Variants in SIRPA observed in about 807,000 individuals in gnomAD.
The protein encoded by SIRPA is tyrosine-protein phosphatase non-receptor type substrate 1.
A neutral mutation model predicts 50.3 loss-of-function variants in SIRPA; 9 were observed. That is an observed-to-expected ratio of 0.18 (90% CI 0.11 to 0.31). The LOEUF (loss-of-function observed/expected upper bound fraction) is 0.31. Ranked by LOEUF, SIRPA falls within the 10% of genes least tolerant of loss-of-function variation. The pLI, the probability that SIRPA is intolerant of heterozygous loss-of-function variation, is 1.00. For synonymous variants in SIRPA, 265 were observed against 284.1 expected, an observed-to-expected ratio of 0.93 and a Z score of 0.68; for missense variants, 474 against 661.6, an observed-to-expected ratio of 0.72 and a Z score of 3.11.
rs1250110733 is a variant in SIRPA at position 1,915,272 on chromosome 20, G to A, written c.253G>A (p.Gly85Ser). ...GGAATTAATCTACAATCAAAAAGAA[G>A]GCCACTTCCCCCGGGTAACAACTGT... ...GRELIYNQKE[G>S]HFPRVTTVSD... Residue 85 changes from glycine (G) to serine (S), a missense_variant, in exon 2 of 8, where the codon GGC (glycine) becomes AGC (serine). Coordinates refer to ENST00000358771, the MANE Select transcript of SIRPA (RefSeq NM_001040023.2). 3 of 1,613,152 alleles carry A rather than the reference G, an allele frequency of 1.9e-6. No homozygotes were observed. The highest frequency in any genetic ancestry group is 2.5e-6 in the Non-Finnish European group (3 of 1,179,808).
At position 1,934,572 on chromosome 20, in the gene SIRPA, A is replaced by T; in HGVS notation, c.1227-143A>T. On this transcript the variant is annotated intron_variant, in intron 6 of 7. Coordinates refer to ENST00000358771, the MANE Select transcript of SIRPA (RefSeq NM_001040023.2). This position sits in a 1 kb window ranked among gnomAD's most constrained non-coding sequence, Gnocchi z 4.6. ...TGACCCCTTTGTCCAAACATTTGAT[A>T]TGCAGTTGTATTTCTGTTATGAGTC... 1.5e-6 allele frequency: 1 copy of T among 679,442 alleles called. No homozygotes were observed. The highest frequency in any genetic ancestry group is 2.0e-5 in the South Asian group (1 of 50,902). 42.1% of individuals were successfully genotyped at this position (679,442 alleles called of 1,614,324 possible).
Position 1,937,326 on chromosome 20 carries a change from A to T in SIRPA, c.1273A>T (p.Asn425Tyr). 1 of 1,612,486 alleles carries T rather than the reference A, an allele frequency of 6.2e-7. No individual in the cohort carries two copies. Among genetic ancestry groups the T allele is most frequent in the African/African-American group, 1.3e-5 (1 of 74,960 alleles). Residue 425 changes from asparagine to tyrosine, a missense_variant, in exon 8 of 8, where the codon AAT becomes TAT. Around this residue, in one of 4 missense-constraint regions of SIRPA, gnomAD observed 180 missense variants for 206.7 expected, o/e 0.87. Coordinates refer to ENST00000358771, the MANE Select transcript of SIRPA (RefSeq NM_001040023.2). The surrounding 1 kb of genome is among the most constrained non-coding windows in gnomAD (Gnocchi z 8.3). ...KNAREITQDT[N>Y]DITYADLNLP... ...TTGGGTATCTTAAATCCAGGACACA[A>T]ATGATATCACATATGCAGACCTGAA...
chr20:1,937,183 G>T lies in SIRPA; in HGVS notation c.1267-137G>T. The T allele has an allele frequency of 1.9e-6, 2 of 1,040,792 alleles. No individual in the cohort carries two copies. Among genetic ancestry groups the T allele is most frequent in the Non-Finnish European group, 2.8e-6 (2 of 715,904 alleles). The allele number at this position is 1,040,792 out of a possible 1,614,324, so 64.5% of individuals were successfully genotyped here. ...AAGTAACGTTGGCAAGAGATGAGGG[G>T]AACATGACTTATGGCTGAGCCAGTG... On this transcript the variant is annotated intron_variant, in intron 7 of 7. Transcript: ENST00000358771. This position sits in a 1 kb window ranked among gnomAD's most constrained non-coding sequence, Gnocchi z 8.3.
rs17853846 is a variant in SIRPA, at chr20:1,915,169, A to G, written c.150A>G (p.Thr50=). 0.18 allele frequency: 232,949 copies of G among 1,280,230 alleles called. 51,135 individuals carry two copies. Among genetic ancestry groups the G allele is most frequent in the East Asian group, 0.6 (22,803 of 37,734 alleles). 79.3% of individuals were successfully genotyped at this position (1,280,230 alleles called of 1,614,324 possible). The part of the protein sequence containing the change: ...DKSVLVAAGE[T]ATLRCTATSL... ...CCGTGTTGGTTGCAGCTGGAGAGAC[A>G]GCCACTCTGCGCTGCACTGCGACCT... The change falls in exon 2 of 8, where the codon ACA becomes ACG. Residue 50 remains threonine (T), a synonymous_variant. Transcript: ENST00000358771.
chr20:1,922,943 CAG>C (rs2123161350), intron 4 of SIRPA, among the ~76,000 whole-genome samples: 1 of 152,276 alleles, frequency 6.6e-6, no homozygotes, highest in East Asian at 1.9e-4. Context: ...CTTCACCTGA[CAG>C]TTGTCATGCT....
At chr20:1,908,935 C>T (rs1018476000) in intron 1 of SIRPA, among the ~76,000 whole-genome samples, 2 of 152,224 alleles carry the variant, frequency 1.3e-5, no homozygotes, top group African/African-American at 4.8e-5. Context: ...TCCTGTACTA[C>T]ATCCTGTGAG....
At chr20:1,907,814 A>G (rs1568496718) in intron 1 of SIRPA, among the ~76,000 whole-genome samples, 1 of 152,104 alleles carries the variant, frequency 6.6e-6, no homozygotes, top group Non-Finnish European at 1.5e-5. Context: ...AATCATTCTG[A>G]CTCCAGAGGA....
intron 1 of SIRPA, 31 bp downstream of exon 1, chr20:1,895,557 C>G: frequency 1.4e-6 from 2 of 1,389,920 alleles, no homozygotes. Flanking sequence ...CACCGCTGCA[C>G]TCCCCAAACT....
Position 1,933,095 on chromosome 20 carries a change from C to T in SIRPA, c.1227-1620C>T, listed in dbSNP as rs1167039752. On this transcript the variant is annotated intron_variant, in intron 6 of 7. Transcript: ENST00000358771. The surrounding 1 kb of genome is among the most constrained non-coding windows in gnomAD (Gnocchi z 4.4). ...CAGATTAAGAGGCAGCAGCATGGAG[C>T]ATGCAAAGGCCCTGGGGCAGCCTGA... Among the ~76,000 whole-genome samples, 1 of 152,206 alleles carries T rather than the reference C, an allele frequency of 6.6e-6. No individual in the cohort carries two copies. Among genetic ancestry groups the T allele is most frequent in the Middle Eastern group, 3.2e-3 (1 of 316 alleles).
In SIRPA at chr20:1,935,975, A is replaced by G. The variant is rs564026951; in HGVS notation, c.1266+1221A>G. Among the ~76,000 whole-genome samples the G allele has an allele frequency of 1.6e-4, 24 of 152,288 alleles. No individual in the cohort carries two copies. The South Asian group carries it at 4.4e-3, about 28-fold the overall frequency. ...CACACTTTGGTTCTTTGCCAGCCGG[A>G]CAACTTTGTCCACTTTATTGAACCT... On this transcript the variant is annotated intron_variant, in intron 7 of 7. Coordinates refer to ENST00000358771, the MANE Select transcript of SIRPA (RefSeq NM_001040023.2).
At position 1,898,799 on chromosome 20, in the gene SIRPA, G is replaced by A. The variant is rs564934797; in HGVS notation, c.79+3273G>A. On this transcript the variant is annotated intron_variant, in intron 1 of 7. Coordinates refer to ENST00000358771, the MANE Select transcript of SIRPA (RefSeq NM_001040023.2). This position sits in a 1 kb window ranked among gnomAD's most constrained non-coding sequence, Gnocchi z 4.3. The stretch of plus-strand genomic sequence containing the variant: ...TGAAGTCACAGGCATTTCTCTGAAA[G>A]CCTGCTGAGGGTGGAAATACTGACA... Among the ~76,000 whole-genome samples the A allele has an allele frequency of 6.6e-6, 1 of 152,166 alleles. No homozygotes were observed. Among genetic ancestry groups the A allele is most frequent in the Admixed American group, 6.5e-5 (1 of 15,296 alleles).
chr20:1,925,674 G>A (rs1052994616), intron 5 of SIRPA, among the ~76,000 whole-genome samples: 4 of 152,120 alleles, frequency 2.6e-5, no homozygotes, highest in Non-Finnish European at 1.5e-5. Context: ...CAATCAATTT[G>A]GCCTCTACAA....
At position 1,910,079 on chromosome 20, in the gene SIRPA, A is replaced by G. The variant is rs73891803; in HGVS notation, c.80-5020A>G. 7.5e-3 allele frequency among the ~76,000 whole-genome samples: 1,147 copies of G among 152,222 alleles called. 18 individuals are homozygous for G. Among genetic ancestry groups the G allele is most frequent in the African/African-American group, 0.026 (1,075 of 41,532 alleles). On this transcript the variant is annotated intron_variant, in intron 1 of 7. Transcript: ENST00000358771. ...AGATGCCAGCAGGAGCCTCTTGCCC[A>G]GGGGGGTTAGGTACATTCCAGATGT...
chr20:1,906,993 C>G (rs1469196445), intron 1 of SIRPA, among the ~76,000 whole-genome samples: 40 of 152,210 alleles, frequency 2.6e-4, no homozygotes, highest in Admixed American at 2.6e-3. Flanking sequence ...AGGAAACAGG[C>G]TTAGAGAAAA....
In SIRPA at chr20:1,928,902, A is replaced by G. The variant is rs934001527; in HGVS notation, c.1226+1003A>G. ...TTATCGGCTTTTTGGAAGGCCTCTG[A>G]TCTTCATCCCCAGCAGAGCAGAGGC... On this transcript the variant is annotated intron_variant, in intron 6 of 7. Transcript: ENST00000358771. The surrounding 1 kb of genome is among the most constrained non-coding windows in gnomAD (Gnocchi z 4.9). 3.3e-4 allele frequency among the ~76,000 whole-genome samples: 50 copies of G among 152,270 alleles called. No homozygotes were observed. The highest frequency in any genetic ancestry group is 3.4e-3 in the Middle Eastern group (1 of 294).
rs1216114686 is a variant in SIRPA, at chr20:1,927,029, A to G, written c.1202-846A>G. ...TGTGTCCAGCACTTTGCAACCTGTC[A>G]GCCTCCACTCAGACTTTCGGTGCTG... On this transcript the variant is annotated intron_variant, in intron 5 of 7. Coordinates refer to ENST00000358771, the MANE Select transcript of SIRPA (RefSeq NM_001040023.2). This position sits in a 1 kb window ranked among gnomAD's most constrained non-coding sequence, Gnocchi z 6.5. Among the ~76,000 whole-genome samples, 2 of 152,236 alleles carry G rather than the reference A, an allele frequency of 1.3e-5. No individual in the cohort carries two copies. The highest frequency in any genetic ancestry group is 2.4e-5 in the African/African-American group (1 of 41,470).
At chr20:1,901,107 T>C (rs1210333841) in intron 1 of SIRPA, among the ~76,000 whole-genome samples, 2 of 151,550 alleles carry the variant, frequency 1.3e-5, no homozygotes, top group African/African-American at 4.8e-5. Flanking sequence ...GCTGGCACCC[T>C]GCTCCCTTAG....
At chr20:1,899,162 T>C (rs1199730103) in intron 1 of SIRPA, among the ~76,000 whole-genome samples, 1 of 151,750 alleles carries the variant, frequency 6.6e-6, no homozygotes, top group Non-Finnish European at 1.5e-5. Context: ...TCAGATCATG[T>C]CACTCCCCAG....
At chr20:1,923,855 CT>C (rs1409980570) in intron 4 of SIRPA, among the ~76,000 whole-genome samples, 2 of 152,224 alleles carry the variant, frequency 1.3e-5, no homozygotes, top group African/African-American at 4.8e-5. Context: ...CCCCTCAGCT[CT>C]GAGTCTCAGC....
Sources: allele counts gnomAD v4.1 joint callset (sites outside exome capture counted in the v4.1 genomes callset), GRCh38; gene constraint gnomAD v4.1.1; regional missense constraint gnomAD v4.1.1; non-coding constraint Gnocchi (gnomAD v3.1); transcripts MANE v1.5; gene names NCBI Gene and HGNC (gene_info 2026-07-23, HGNC 2026-07-21).